OSBPL9: variants seen among roughly 807,000 people sequenced by gnomAD.
The protein encoded by OSBPL9 is oxysterol-binding protein-related protein 9.
OSBPL9 carries 40 observed loss-of-function variants against 106.6 expected under a neutral mutation model. The ratio of observed to expected loss-of-function variants is 0.38; its 90% CI spans 0.29 to 0.49. OSBPL9 has a LOEUF of 0.49. Ranked by LOEUF, OSBPL9 falls within the 20% of genes least tolerant of loss-of-function variation. The pLI, the probability that OSBPL9 is intolerant of heterozygous loss-of-function variation, is 0.97. For synonymous variants in OSBPL9, 269 were observed against 295.4 expected, an observed-to-expected ratio of 0.91 and a Z score of 0.92; for missense variants, 609 against 887.2, an observed-to-expected ratio of 0.69 and a Z score of 3.98.
chr1:51,750,004 C>T, intron 7 of OSBPL9, 141 bp from the exon 8 acceptor site: 1 of 460,664 alleles, frequency 2.2e-6, no homozygotes, highest in Non-Finnish European at 3.8e-6. Context: ...TACTAGAACC[C>T]ACTAGATCCA....
At chr1:51,610,301 GC>G (rs1643977955) in intron 2 of OSBPL9, among the ~76,000 whole-genome samples, 1 of 152,038 alleles carries the variant, frequency 6.6e-6, no homozygotes, top group Admixed American at 6.6e-5. Context: ...TTGCTCTGTT[GC>G]CCCGGCTGGA....
intron 3 of OSBPL9, among the ~76,000 whole-genome samples, chr1:51,712,348 A>C (rs1181615998): frequency 6.6e-6 from 1 of 152,240 alleles, no homozygotes; most frequent in African/African-American, 2.4e-5. Context: ...CCGAGATGGC[A>C]GCAGTACAGT....
chr1:51,712,460 T>G (rs898812562), intron 3 of OSBPL9, among the ~76,000 whole-genome samples: 1 of 152,178 alleles, frequency 6.6e-6, no homozygotes, highest in Non-Finnish European at 1.5e-5. Context: ...ATATTTTCTA[T>G]CTCTTTGACT....
the OSBPL9 span, chr1:51,519,152 AG>A: frequency 2.2e-6 from 3 of 1,351,594 alleles, no homozygotes; most frequent in South Asian, 1.5e-5. Flanking sequence ...GCGGTGGGGG[AG>A]GGGGCACCGG....
chr1:51,694,563 A>T (rs1655634701), intron 3 of OSBPL9, among the ~76,000 whole-genome samples: 1 of 152,232 alleles, frequency 6.6e-6, no homozygotes, highest in Non-Finnish European at 1.5e-5. Flanking sequence ...TAATGACGTT[A>T]TATGAAAATA....
chr1:51,530,173 A>AAAAAAAAAAAAAAAC, the OSBPL9 span, among the ~76,000 whole-genome samples: 1 of 102,098 alleles, frequency 9.8e-6, no homozygotes, highest in Non-Finnish European at 2.0e-5. Context: ...TCTGTCTCAA[A>AAAAAAAAAAAAAAAC]AAAAAAAAAA....
intron 2 of OSBPL9, among the ~76,000 whole-genome samples, chr1:51,600,786 T>C (rs967268514): frequency 6.6e-6 from 1 of 152,210 alleles, no homozygotes; most frequent in Non-Finnish European, 1.5e-5. Flanking sequence ...ACAGTGTAAC[T>C]AGAGCACTTG....
chr1:51,618,168 G>A (rs12057655), intron 1 of OSBPL9, among the ~76,000 whole-genome samples: 7 of 152,116 alleles, frequency 4.6e-5, no homozygotes, highest in East Asian at 3.9e-4. Flanking sequence ...ACAGGCATGC[G>A]CCACCACACC....
In OSBPL9 at chr1:51,757,174, G is replaced by A. The variant is rs151140432; in HGVS notation, c.582+816G>A. Among the ~76,000 whole-genome samples the A allele has an allele frequency of 1.9e-4, 29 of 152,180 alleles. No individual in the cohort carries two copies. The East Asian group carries it at 5.2e-3, about 27-fold the overall frequency. Reference sequence around the variant, plus strand: ...CTCCTGATTGTACTTGAAAGGATGAGCATGTTATCTTTATATTTGGTTTAA... The same window carrying A: ...CTCCTGATTGTACTTGAAAGGATGAACATGTTATCTTTATATTTGGTTTAA... On this transcript the variant is annotated intron_variant, in intron 9 of 23. Coordinates refer to ENST00000428468, the MANE Select transcript of OSBPL9 (RefSeq NM_024586.6).
chr1:51,617,662 C>T (rs1644145818), intron 1 of OSBPL9, among the ~76,000 whole-genome samples: 1 of 152,170 alleles, frequency 6.6e-6, no homozygotes, highest in Non-Finnish European at 1.5e-5. Context: ...TTGAAGAGCT[C>T]TGCTTCCTCG....
chr1:51,574,827 CT>C (rs113161966), upstream of OSBPL9, among the ~76,000 whole-genome samples: 24,141 of 152,048 alleles, frequency 0.16, 3,719 homozygotes, highest in African/African-American at 0.4. Flanking sequence ...CATTTTATAC[CT>C]TCTTGAATTA....
intron 4 of OSBPL9, among the ~76,000 whole-genome samples, chr1:51,724,169 C>G (rs1662670498): frequency 6.6e-6 from 1 of 152,164 alleles, no homozygotes; most frequent in Admixed American, 6.5e-5. Flanking sequence ...TGGTCTCAAA[C>G]TCCTGACCTT....
chr1:51,703,542 GC>G (rs1349839457), intron 3 of OSBPL9, among the ~76,000 whole-genome samples: 4 of 152,130 alleles, frequency 2.6e-5, no homozygotes, highest in Admixed American at 2.0e-4. Flanking sequence ...GAGATTTTGG[GC>G]TGAGACAATG....
intron 4 of OSBPL9, among the ~76,000 whole-genome samples, chr1:51,743,641 A>G (rs906703775): frequency 6.6e-6 from 1 of 152,198 alleles, no homozygotes; most frequent in African/African-American, 2.4e-5. Context: ...TACTAAAAAC[A>G]ATGTATTTAG....
the OSBPL9 span, among the ~76,000 whole-genome samples, chr1:51,529,241 G>A: frequency 4.7e-5 from 7 of 150,440 alleles, no homozygotes; most frequent in Non-Finnish European, 1.5e-5. Flanking sequence ...CATGCTTCCT[G>A]ATTTTTTTTT....
chr1:51,552,304 T>C, the OSBPL9 span, among the ~76,000 whole-genome samples: 1 of 152,230 alleles, frequency 6.6e-6, no homozygotes, highest in Admixed American at 6.6e-5. Flanking sequence ...GGTACTCAAG[T>C]ACTTGTCAAG....
At chr1:51,616,965 G>A (rs1272615477), upstream of OSBPL9, 1 of 1,463,220 alleles carries the variant, frequency 6.8e-7, no homozygotes, top group Non-Finnish European at 9.0e-7. Context: ...AAGAAAGCGT[G>A]TTTGACTTGA....
the OSBPL9 span, among the ~76,000 whole-genome samples, chr1:51,532,150 G>C: frequency 6.6e-6 from 1 of 152,158 alleles, no homozygotes; most frequent in Non-Finnish European, 1.5e-5. Context: ...GCTCGGGAGA[G>C]AATGAAAAGA....
rs775231708 is a variant in OSBPL9 at position 51,776,922 on chromosome 1, T to C, written c.1256+4T>C. 1 of 1,600,050 alleles carries C rather than the reference T, an allele frequency of 6.2e-7. No homozygotes were observed. Among genetic ancestry groups the C allele is most frequent in the South Asian group, 1.1e-5 (1 of 90,760 alleles). ...CACATCCGGACCTGTTTGTGAGGTA[T>C]TTGACTGAACATGGTAGTTTCCAAC... On this transcript the variant is annotated splice_donor_region_variant and intron_variant, in intron 15 of 23. Coordinates refer to ENST00000428468, the MANE Select transcript of OSBPL9 (RefSeq NM_024586.6).
Sources: allele counts gnomAD v4.1 joint callset (sites outside exome capture counted in the v4.1 genomes callset), GRCh38; gene constraint gnomAD v4.1.1; transcripts MANE v1.5; gene names NCBI Gene and HGNC (gene_info 2026-07-23, HGNC 2026-07-21).